PGCKA1: variants seen among roughly 807,000 people sequenced by gnomAD.
PGCKA1 encodes the protein PDCD10 and GCKIII kinases associated 1, also known as PDCD10 and GCKIII kinases-associated protein 1.
the PGCKA1 span, among the ~76,000 whole-genome samples, chr4:37,459,833 TAA>T: frequency 7.3e-6 from 1 of 137,736 alleles, no homozygotes; most frequent in African/African-American, 2.7e-5. Flanking sequence ...TTTTTTTTTT[TAA>T]TTTTATTTTA....
At chr4:37,591,195 T>C in the PGCKA1 span, 8 of 529,238 alleles carry the variant, frequency 1.5e-5, no homozygotes, top group South Asian at 2.3e-4. Flanking sequence ...TCACTCTGTG[T>C]AGATGAGCTG....
At chr4:37,554,806 A>G in the PGCKA1 span, among the ~76,000 whole-genome samples, 1 of 152,222 alleles carries the variant, frequency 6.6e-6, no homozygotes, top group African/African-American at 2.4e-5. Context: ...ATATGTGCAA[A>G]GGTATAGAAG....
chr4:37,458,136 A>T, the PGCKA1 span, among the ~76,000 whole-genome samples: 1 of 152,186 alleles, frequency 6.6e-6, no homozygotes, highest in South Asian at 2.1e-4. Flanking sequence ...AGGTGAGGAA[A>T]CTGAGTCTCA....
the PGCKA1 span, among the ~76,000 whole-genome samples, chr4:37,520,921 T>C: frequency 6.6e-6 from 1 of 152,190 alleles, no homozygotes; most frequent in Non-Finnish European, 1.5e-5. Context: ...CCAGCCCTTT[T>C]TTCTCTTTTA....
chr4:37,517,367 A>G, the PGCKA1 span, among the ~76,000 whole-genome samples: 5 of 151,142 alleles, frequency 3.3e-5, no homozygotes, highest in Admixed American at 6.6e-5. Context: ...AAAATACGGT[A>G]TATTTTTAAG....
chr4:37,521,046 A>G, the PGCKA1 span, among the ~76,000 whole-genome samples: 1 of 151,480 alleles, frequency 6.6e-6, no homozygotes, highest in South Asian at 2.1e-4. Context: ...GTATTTTTTT[A>G]TTTCAATTTC....
At chr4:37,503,779 G>A in the PGCKA1 span, among the ~76,000 whole-genome samples, 36 of 152,238 alleles carry the variant, frequency 2.4e-4, no homozygotes, top group African/African-American at 7.9e-4. Flanking sequence ...ATCTTTTGCC[G>A]ATTTTTTAAT....
the PGCKA1 span, among the ~76,000 whole-genome samples, chr4:37,509,368 C>A: frequency 2.1e-5 from 3 of 140,876 alleles, no homozygotes; most frequent in Admixed American, 7.0e-5. Context: ...CATGGGGTCA[C>A]GGCAGGGCAG....
At chr4:37,471,720 AG>A in the PGCKA1 span, among the ~76,000 whole-genome samples, 18 of 152,290 alleles carry the variant, frequency 1.2e-4, no homozygotes, top group African/African-American at 3.4e-4. Context: ...AGGGGAGGGA[AG>A]GGAGAAGGCA....
chr4:37,488,170 T>G, the PGCKA1 span, among the ~76,000 whole-genome samples: 1 of 152,206 alleles, frequency 6.6e-6, no homozygotes, highest in Non-Finnish European at 1.5e-5. Context: ...GAATATTTTT[T>G]TCACACAGCA....
the PGCKA1 span, among the ~76,000 whole-genome samples, chr4:37,536,329 T>G: frequency 6.6e-6 from 1 of 152,186 alleles, no homozygotes; most frequent in Non-Finnish European, 1.5e-5. Flanking sequence ...AGTTACCTAT[T>G]ACTGTACAAC....
chr4:37,512,133 G>C, the PGCKA1 span, among the ~76,000 whole-genome samples: 1 of 152,202 alleles, frequency 6.6e-6, no homozygotes, highest in Non-Finnish European at 1.5e-5. Context: ...AGCAATTCAA[G>C]ACTGTCTTTC....
At chr4:37,513,620 G>T in the PGCKA1 span, among the ~76,000 whole-genome samples, 1 of 152,156 alleles carries the variant, frequency 6.6e-6, no homozygotes, top group African/African-American at 2.4e-5. Context: ...GTTAGGCCGT[G>T]GGTGTTAGGG....
chr4:37,514,595 C>A, the PGCKA1 span, among the ~76,000 whole-genome samples: 1 of 152,116 alleles, frequency 6.6e-6, no homozygotes, highest in Admixed American at 6.5e-5. Context: ...CACACACATA[C>A]ACCCCCCACA....
chr4:37,487,865 G>T, the PGCKA1 span, among the ~76,000 whole-genome samples: 1 of 151,718 alleles, frequency 6.6e-6, no homozygotes, highest in Non-Finnish European at 1.5e-5. Flanking sequence ...CTTTTTTATT[G>T]CTCAGTAGTA....
chr4:37,504,207 C>T, the PGCKA1 span, among the ~76,000 whole-genome samples: 1 of 152,072 alleles, frequency 6.6e-6, no homozygotes, highest in African/African-American at 2.4e-5. Flanking sequence ...AACGTACACT[C>T]TTGGCAACTT....
the PGCKA1 span, among the ~76,000 whole-genome samples, chr4:37,559,646 C>T: frequency 6.6e-6 from 1 of 151,866 alleles, no homozygotes; most frequent in Non-Finnish European, 1.5e-5. Context: ...CATCCCAGAC[C>T]CACTAAATCA....
the PGCKA1 span, among the ~76,000 whole-genome samples, chr4:37,528,324 G>T: frequency 4.6e-5 from 7 of 152,152 alleles, no homozygotes; most frequent in African/African-American, 1.7e-4. Flanking sequence ...ACGACATCTA[G>T]TGCTCACTGT....
the PGCKA1 span, among the ~76,000 whole-genome samples, chr4:37,469,097 T>G: frequency 3.9e-5 from 6 of 152,190 alleles, no homozygotes; most frequent in African/African-American, 1.4e-4. Flanking sequence ...TTCAGTAGTA[T>G]AGTCACATGC....
Sources: gnomAD v4.1 joint callset for allele counts (sites outside exome capture counted in the v4.1 genomes callset) on GRCh38, gnomAD v4.1.1 for gene constraint, MANE v1.5 for transcripts, NCBI Gene and HGNC (gene_info 2026-07-23, HGNC 2026-07-21) for gene names.